GUCY1B1: variants seen among roughly 807,000 people sequenced by gnomAD.
The protein encoded by GUCY1B1 is guanylate cyclase soluble subunit beta-1.
Under a neutral mutation model 71.0 loss-of-function variants are expected in GUCY1B1, and 43 were observed. The ratio of observed to expected loss-of-function variants is 0.61; its 90% confidence interval spans 0.47 to 0.78. The LOEUF (loss-of-function observed/expected upper bound fraction) is 0.78. Ranked by LOEUF, GUCY1B1 falls within the 30% of genes least tolerant of loss-of-function variation. The probability of loss-of-function intolerance (pLI) is 0.00; values close to 1 mark genes in which losing one functional copy is unlikely to be tolerated. For synonymous variants in GUCY1B1, 266 were observed against 259.7 expected (o/e 1.02, Z -0.23); for missense variants, 535 against 754.1 (o/e 0.71, Z 3.40).
At chr4:155,776,538 T>C (rs1165599688) in intron 3 of GUCY1B1, among the ~76,000 whole-genome samples, 2 of 151,982 alleles carry the variant, frequency 1.3e-5, no homozygotes, top group East Asian at 3.9e-4. Context: ...GGTGTGGTGG[T>C]GGGTTCCTGT....
chr4:155,786,305 A>C, intron 4 of GUCY1B1, among the ~76,000 whole-genome samples: 1 of 127,462 alleles, frequency 7.8e-6, no homozygotes, highest in Non-Finnish European at 1.6e-5. Flanking sequence ...GCAGAATCTC[A>C]CTGTGTCGCC....
chr4:155,774,547 T>C (rs980352691), intron 2 of GUCY1B1, among the ~76,000 whole-genome samples: 1 of 152,198 alleles, frequency 6.6e-6, no homozygotes, highest in Non-Finnish European at 1.5e-5. Flanking sequence ...CCAGAATATA[T>C]GTATTGCAAG....
chr4:155,794,592 A>G (rs1384181066), intron 6 of GUCY1B1, among the ~76,000 whole-genome samples: 2 of 152,208 alleles, frequency 1.3e-5, no homozygotes, highest in South Asian at 2.1e-4. Flanking sequence ...GTTGACTTCT[A>G]TGACAGATCC....
At position 155,759,780 on chromosome 4, in the gene GUCY1B1, C is replaced by G. The variant is rs528269112; in HGVS notation, c.4-7C>G. On this transcript the variant is annotated splice_region_variant and splice_polypyrimidine_tract_variant and intron_variant, in intron 1 of 13. Coordinates refer to ENST00000264424, the MANE Select transcript of GUCY1B1 (RefSeq NM_000857.5). ...CCTGACGCTCAAGTCTCTCCCTGTC[C>G]CCGCAGTACGGATTTGTGAATCACG... 4.3e-6 allele frequency: 7 copies of G among 1,609,670 alleles called. No individual in the cohort carries two copies. The highest frequency in any genetic ancestry group is 6.0e-6 in the Non-Finnish European group (7 of 1,176,414).
intron 2 of GUCY1B1, among the ~76,000 whole-genome samples, chr4:155,772,935 A>C (rs1737793057): frequency 6.6e-6 from 1 of 152,268 alleles, no homozygotes; most frequent in Non-Finnish European, 1.5e-5. Flanking sequence ...GATGTAAGAC[A>C]TACCACCATT....
intron 9 of GUCY1B1, 107 bp downstream of exon 9, chr4:155,800,181 C>A: frequency 1.6e-6 from 1 of 607,566 alleles, no homozygotes; most frequent in Non-Finnish European, 2.8e-6. Flanking sequence ...TGTAATAGCT[C>A]TGGTGTAGTA....
At chr4:155,789,600 TC>T in intron 4 of GUCY1B1, 113 bp from the exon 5 acceptor site, 1 of 608,414 alleles carries the variant, frequency 1.6e-6, no homozygotes, top group Non-Finnish European at 2.9e-6. Flanking sequence ...ATGTGCTGCT[TC>T]GCTGATCTGC....
In GUCY1B1 at chr4:155,787,582, A is replaced by G. The variant is rs140604106; in HGVS notation, c.298-2132A>G. Among the ~76,000 whole-genome samples, 8 of 152,322 alleles carry G rather than the reference A, an allele frequency of 5.3e-5. No individual in the cohort carries two copies. In the East Asian group the frequency reaches 1.5e-3, roughly 29 times the overall value. ...TCATCAAAAGCCACTCTACACATCC[A>G]TTTGTGATATAAACCATGAGCTGCT... On this transcript the variant is annotated intron_variant, in intron 4 of 13. Coordinates refer to ENST00000264424, the MANE Select transcript of GUCY1B1 (RefSeq NM_000857.5).
At chr4:155,780,632 A>G (rs1305449653) in intron 4 of GUCY1B1, among the ~76,000 whole-genome samples, 2 of 152,198 alleles carry the variant, frequency 1.3e-5, no homozygotes, top group Non-Finnish European at 2.9e-5. Context: ...AAAAAAGTGA[A>G]TATTTGTTGT....
intron 2 of GUCY1B1, among the ~76,000 whole-genome samples, chr4:155,760,074 G>T (rs1230477125): frequency 6.6e-6 from 1 of 152,130 alleles, no homozygotes; most frequent in Non-Finnish European, 1.5e-5. Context: ...CTGCGAGGGC[G>T]AGAACCGCGG....
At chr4:155,787,914 T>A (rs908456940) in intron 4 of GUCY1B1, among the ~76,000 whole-genome samples, 3 of 152,242 alleles carry the variant, frequency 2.0e-5, no homozygotes, top group Non-Finnish European at 4.4e-5. Context: ...AATTTTGGCA[T>A]ATCTCCAGTA....
At chr4:155,801,286 C>G (rs1237719447) in intron 9 of GUCY1B1, among the ~76,000 whole-genome samples, 1 of 152,076 alleles carries the variant, frequency 6.6e-6, no homozygotes, top group African/African-American at 2.4e-5. Flanking sequence ...TGCACCATTT[C>G]GAGTTACTGT....
At position 155,796,403 on chromosome 4, in the gene GUCY1B1, A is replaced by C; in HGVS notation, c.870A>C (p.Leu290Phe). The change falls in exon 8 of 14, where the codon TTA (leucine) becomes TTC (phenylalanine). Residue 290 changes from leucine to phenylalanine, a missense_variant. Leu to Phe is a conservative substitution (Grantham distance 22, BLOSUM62 0). Coordinates refer to ENST00000264424, the MANE Select transcript of GUCY1B1 (RefSeq NM_000857.5). ...SKEGLLDVEKLECEDELTGTE... is the reference protein window; with the variant it reads ...SKEGLLDVEKFECEDELTGTE... ...AAGGATTGTTGGATGTGGAGAAATT[A>C]GAATGTGAGGATGAACTGACTGGGA... The C allele has an allele frequency of 6.2e-7, 1 of 1,613,508 alleles. No homozygotes were observed. The highest frequency in any genetic ancestry group is 8.5e-7 in the Non-Finnish European group (1 of 1,179,526).
intron 4 of GUCY1B1, among the ~76,000 whole-genome samples, chr4:155,778,947 G>A (rs1738239068): frequency 1.3e-5 from 2 of 151,346 alleles, no homozygotes; most frequent in South Asian, 4.2e-4. Flanking sequence ...ACAAAACAAA[G>A]ATTCAAGTGG....
chr4:155,759,533 C>A (rs933115153), intron 1 of GUCY1B1: 39 of 490,614 alleles, frequency 7.9e-5, no homozygotes, highest in Middle Eastern at 5.2e-4. Context: ...TCTCCCGGAG[C>A]GGTGACAGGT....
intron 4 of GUCY1B1, among the ~76,000 whole-genome samples, chr4:155,781,953 G>C (rs1738449231): frequency 6.6e-6 from 1 of 152,078 alleles, no homozygotes; most frequent in Admixed American, 6.6e-5. Context: ...TTAAAGACAA[G>C]ACCATATTTC....
chr4:155,788,870 C>T (rs780965155), intron 4 of GUCY1B1, among the ~76,000 whole-genome samples: 1 of 152,168 alleles, frequency 6.6e-6, no homozygotes, highest in Non-Finnish European at 1.5e-5. Flanking sequence ...CACACACACA[C>T]ACCCCAACAT....
At position 155,789,726 on chromosome 4, in the gene GUCY1B1, C is replaced by A; in HGVS notation, c.310C>A (p.Leu104Met). Reference sequence around the variant, plus strand: ...TTCTTTGCTGCAGAACCTTGATGCTCTGCACGACCACCTTGCTACCATCTA... The same window carrying A: ...TTCTTTGCTGCAGAACCTTGATGCTATGCACGACCACCTTGCTACCATCTA... ...VREFLQNLDA[L>M]HDHLATIYPG... Residue 104 changes from leucine to methionine, a missense_variant, in exon 5 of 14, where the codon CTG becomes ATG. Coordinates refer to ENST00000264424, the MANE Select transcript of GUCY1B1 (RefSeq NM_000857.5). 1 of 1,598,046 alleles carries A rather than the reference C, an allele frequency of 6.3e-7. No homozygotes were observed.
intron 3 of GUCY1B1, among the ~76,000 whole-genome samples, chr4:155,775,518 T>C (rs1429098170): frequency 1.3e-5 from 2 of 152,162 alleles, no homozygotes; most frequent in Admixed American, 6.5e-5. Context: ...GGTCTTGAAC[T>C]CCTGAGCTCA....
Sources: gnomAD v4.1 joint callset for allele counts (sites outside exome capture counted in the v4.1 genomes callset) on GRCh38, gnomAD v4.1.1 for gene constraint, MANE v1.5 for transcripts, NCBI Gene and HGNC (gene_info 2026-07-23, HGNC 2026-07-21) for gene names.